Variants in PCDH9 observed in about 807,000 individuals in gnomAD.
The protein encoded by PCDH9 is protocadherin-9.
A neutral mutation model predicts 70.6 loss-of-function variants in PCDH9; 24 were observed. The ratio of observed to expected loss-of-function variants is 0.34; its 90% CI spans 0.25 to 0.48. The LOEUF (loss-of-function observed/expected upper bound fraction) is 0.48. Among genes scored for constraint, PCDH9 ranks in the 20% least tolerant of loss-of-function variants. PCDH9 has a pLI of 0.99. For synonymous variants in PCDH9, 562 were observed against 558.5 expected, an observed-to-expected ratio of 1.01 and a Z score of -0.09; for missense variants, 1,281 against 1,503.6, an observed-to-expected ratio of 0.85 and a Z score of 2.45.
intron 4 of PCDH9, among the ~76,000 whole-genome samples, chr13:66,407,992 T>G (rs2138314384): frequency 6.6e-6 from 1 of 152,020 alleles, no homozygotes; most frequent in African/African-American, 2.4e-5. Flanking sequence ...AATTCTGATT[T>G]TAAACAAAAT....
rs149087162 is a variant in PCDH9 at position 66,748,723 on chromosome 13, A to C, written c.3139-117312T>G. ...CTCTGTTTATAATCATCGTTATCAC[A>C]GCATAATATTGCTTAAGGATACACA... is the stretch of plus-strand genomic sequence containing the variant. On this transcript the variant is annotated intron_variant, in intron 3 of 4. Transcript: ENST00000377865. Among the ~76,000 whole-genome samples the C allele has an allele frequency of 2.0e-3, 303 of 152,324 alleles. 3 individuals are homozygous for C. The highest frequency in any genetic ancestry group is 6.7e-3 in the African/African-American group (280 of 41,570).
At chr13:67,035,348 A>G (rs2084988501) in intron 2 of PCDH9, among the ~76,000 whole-genome samples, 1 of 152,042 alleles carries the variant, frequency 6.6e-6, no homozygotes, top group African/African-American at 2.4e-5. Context: ...TATAATTGTA[A>G]CTTCAATTTT....
At chr13:66,345,926 G>A (rs370181223) in intron 4 of PCDH9, among the ~76,000 whole-genome samples, 1 of 152,164 alleles carries the variant, frequency 6.6e-6, no homozygotes, top group Non-Finnish European at 1.5e-5. Context: ...GCATTGAAGT[G>A]TACACCACAC....
chr13:66,502,542 C>A (rs1370027439), intron 4 of PCDH9, among the ~76,000 whole-genome samples: 1 of 152,072 alleles, frequency 6.6e-6, no homozygotes, highest in Non-Finnish European at 1.5e-5. Context: ...ATGAAGTGAG[C>A]AATTTTACCT....
chr13:67,032,033 T>C (rs921923967), intron 2 of PCDH9, among the ~76,000 whole-genome samples: 1 of 152,244 alleles, frequency 6.6e-6, no homozygotes, highest in African/African-American at 2.4e-5. Context: ...ATAGGTGCAC[T>C]TGCACCAACA....
At chr13:67,156,065 T>G (rs2087803284) in intron 2 of PCDH9, among the ~76,000 whole-genome samples, 1 of 151,982 alleles carries the variant, frequency 6.6e-6, no homozygotes, top group Admixed American at 6.6e-5. Flanking sequence ...CATGGTCCCT[T>G]TAAATGATAC....
intron 3 of PCDH9, among the ~76,000 whole-genome samples, chr13:66,768,244 A>G (rs1386772395): frequency 1.3e-5 from 2 of 152,076 alleles, no homozygotes; most frequent in Non-Finnish European, 2.9e-5. Flanking sequence ...GATCAAATCA[A>G]AGGCATAAAA....
At chr13:66,467,412 T>C (rs1958536645) in intron 4 of PCDH9, among the ~76,000 whole-genome samples, 1 of 152,016 alleles carries the variant, frequency 6.6e-6, no homozygotes, top group African/African-American at 2.4e-5. Context: ...TCACTAGAAA[T>C]TGTCTACCCC....
At position 67,225,397 on chromosome 13, in the gene PCDH9, T is replaced by G. The variant is rs1255533913; in HGVS notation, c.3036+8A>C. ...AGTACTTATAGACCAGTAAAAGTGC[T>G]CGTTTACCTGTCTGGTGTGTAAGGG... On this transcript the variant is annotated splice_region_variant and intron_variant, in intron 2 of 4. Transcript: ENST00000377865. The G allele has an allele frequency of 2.5e-6, 4 of 1,612,796 alleles. No homozygotes were observed. The highest frequency in any genetic ancestry group is 3.4e-6 in the Non-Finnish European group (4 of 1,179,268).
At chr13:66,785,422 C>T (rs925710822) in intron 3 of PCDH9, among the ~76,000 whole-genome samples, 2 of 151,542 alleles carry the variant, frequency 1.3e-5, no homozygotes, top group African/African-American at 4.8e-5. Flanking sequence ...TCAAAAAGGT[C>T]ACTTAATGAT....
intron 2 of PCDH9, among the ~76,000 whole-genome samples, chr13:67,180,479 C>G (rs2088586897): frequency 6.6e-6 from 1 of 152,106 alleles, no homozygotes; most frequent in Admixed American, 6.6e-5. Flanking sequence ...TAGGATGCCT[C>G]CCACTCCAGG....
chr13:66,356,953 A>C lies in PCDH9; in HGVS notation c.3341-51925T>G, dbSNP rs17081187. Among the ~76,000 whole-genome samples the C allele has an allele frequency of 8.5e-3, 1,298 of 152,134 alleles. 20 individuals are homozygous for C. The highest frequency in any genetic ancestry group is 0.03 in the African/African-American group (1,246 of 41,542). ...GGGTTAGGACATTGTAGACTTGAAA[A>C]AGCAAGCCCGGCAATGCACTTTAAA... is the stretch of plus-strand genomic sequence containing the variant. On this transcript the variant is annotated intron_variant, in intron 4 of 4. Coordinates refer to ENST00000377865, the MANE Select transcript of PCDH9 (RefSeq NM_203487.3).
chr13:66,823,431 TTATAAAGATAA>T (rs1186480668), intron 3 of PCDH9, among the ~76,000 whole-genome samples: 1 of 151,624 alleles, frequency 6.6e-6, no homozygotes, highest in Non-Finnish European at 1.5e-5. Context: ...ATAAATTATA[TTATAAAGATAA>T]TATAAAGATA....
At chr13:67,144,847 G>A (rs2087482748) in intron 2 of PCDH9, among the ~76,000 whole-genome samples, 1 of 152,092 alleles carries the variant, frequency 6.6e-6, no homozygotes, top group South Asian at 2.1e-4. Flanking sequence ...GATGAATTGG[G>A]AAATGCTGTC....
chr13:67,189,616 A>C (rs939144565), intron 2 of PCDH9, among the ~76,000 whole-genome samples: 5 of 152,098 alleles, frequency 3.3e-5, no homozygotes, highest in Admixed American at 2.6e-4. Flanking sequence ...AGTTACAAAA[A>C]TATATACAAT....
intron 2 of PCDH9, among the ~76,000 whole-genome samples, chr13:67,175,493 G>T (rs898491840): frequency 6.6e-6 from 1 of 152,106 alleles, no homozygotes; most frequent in African/African-American, 2.4e-5. Flanking sequence ...ATAGACAGCA[G>T]GTCTATACCC....
chr13:66,440,639 GC>G (rs1957955916), intron 4 of PCDH9, among the ~76,000 whole-genome samples: 1 of 152,088 alleles, frequency 6.6e-6, no homozygotes, highest in African/African-American at 2.4e-5. Flanking sequence ...AAGGCAAATA[GC>G]TAATGAATAG....
chr13:66,712,463 T>C (rs1403802321), intron 3 of PCDH9, among the ~76,000 whole-genome samples: 1 of 152,120 alleles, frequency 6.6e-6, no homozygotes, highest in African/African-American at 2.4e-5. Flanking sequence ...AATGGAAGAA[T>C]TATTCCTTTA....
chr13:66,415,772 A>G (rs1957449910), intron 4 of PCDH9, among the ~76,000 whole-genome samples: 1 of 152,208 alleles, frequency 6.6e-6, no homozygotes, highest in South Asian at 2.1e-4. Flanking sequence ...AACTAAGATT[A>G]GTGAAAGAAA....
Sources: gnomAD v4.1 joint callset for allele counts (sites outside exome capture counted in the v4.1 genomes callset) on GRCh38, gnomAD v4.1.1 for gene constraint, MANE v1.5 for transcripts, NCBI Gene and HGNC (gene_info 2026-07-23, HGNC 2026-07-21) for gene names.